Variants in ALMS1 observed in about 807,000 individuals in gnomAD.
ALMS1 encodes the protein ALMS1 centrosome and basal body associated protein, also known as centrosome-associated protein ALMS1.
A neutral mutation model predicts 352.2 loss-of-function variants in ALMS1; 271 were observed. The ratio of observed to expected loss-of-function variants is 0.77; its 90% CI spans 0.70 to 0.85. ALMS1 has a LOEUF of 0.85. ALMS1 is among the 40% of genes least tolerant of loss of function. The pLI is 0.00. For synonymous variants in ALMS1, 1,865 were observed against 1,761.2 expected (o/e 1.06, Z -1.48); for missense variants, 5,445 against 4,870.7 (o/e 1.12, Z -3.51).
intron 2 of ALMS1, among the ~76,000 whole-genome samples, chr2:73,410,938 T>C (rs1671065684): frequency 6.6e-6 from 1 of 152,074 alleles, no homozygotes. Context: ...GGAAGGGAGA[T>C]ACACTATCAC....
intron 12 of ALMS1, among the ~76,000 whole-genome samples, chr2:73,539,446 A>G (rs1255887101): frequency 6.6e-6 from 1 of 152,174 alleles, no homozygotes; most frequent in Non-Finnish European, 1.5e-5. Context: ...AGAAAAACTG[A>G]AAATTCTAAA....
chr2:73,413,893 A>T (rs146365016), intron 2 of ALMS1, among the ~76,000 whole-genome samples: 1,580 of 152,286 alleles, frequency 0.01, 39 homozygotes, highest in African/African-American at 0.036. Context: ...CCATTGATTT[A>T]CATATGTATC....
chr2:73,449,246 T>C lies in ALMS1; in HGVS notation c.2719T>C (p.Phe907Leu), dbSNP rs1382658614. The change falls in exon 8 of 23, where the codon TTC (phenylalanine) becomes CTC (leucine). Residue 907 changes from phenylalanine (F) to leucine (L), a missense_variant. By Grantham distance (22) the Phe-to-Leu change is conservative. Transcript: ENST00000613296. ...KTGIPSAPSS[F>L]YSHREKPIIF... ...TGGGATACCCTCAGCACCATCTAGT[T>C]TCTACTCACACAGAGAGAAGCCCAT... is the stretch of plus-strand genomic sequence containing the variant. The C allele has an allele frequency of 1.2e-6, 2 of 1,613,674 alleles. No homozygotes were observed. The highest frequency in any genetic ancestry group is 2.7e-5 in the African/African-American group (2 of 74,798).
chr2:73,550,357 A>G lies in ALMS1; in HGVS notation c.9998A>G (p.Lys3333Arg), dbSNP rs1251440784. ...DLSATVNIKH[K>R]EGIYSKRVVT... is the part of the protein sequence containing the mutation. ...TCAGCCACTGTTAACATTAAACATA[A>G]AGAAGGAATCTACAGTAAGAGGGTA... The change falls in exon 13 of 23, where the codon AAA (lysine) becomes AGA (arginine). Residue 3333 changes from lysine (K) to arginine (R), a missense_variant. Transcript: ENST00000613296. 6.2e-7 allele frequency: 1 copy of G among 1,614,200 alleles called. No homozygotes were observed.
At chr2:73,518,681 CATT>C (rs1673609788) in intron 10 of ALMS1, among the ~76,000 whole-genome samples, 1 of 152,104 alleles carries the variant, frequency 6.6e-6, no homozygotes, top group Non-Finnish European at 1.5e-5. Context: ...AATGGTATCT[CATT>C]GTGGTTTTGA....
Position 73,599,431 on chromosome 2 carries a change from A to G in ALMS1, c.11578A>G (p.Ile3860Val), listed in dbSNP as rs746074912. The change falls in exon 17 of 23, where the codon ATT (isoleucine) becomes GTT (valine). Residue 3860 changes from isoleucine (I) to valine (V), a missense_variant. By Grantham distance (29) the Ile-to-Val change is conservative. Transcript: ENST00000613296. ...AAACCATGTGATTTCTTCTGACTCTATTTCCTCTTCTGCCAGTAGTTTCCT... is the reference window on the plus strand; with the variant it reads ...AAACCATGTGATTTCTTCTGACTCTGTTTCCTCTTCTGCCAGTAGTTTCCT... ...VANHVISSDS[I>V]SSSASSFLSS... 14 of 1,613,296 alleles carry G rather than the reference A, an allele frequency of 8.7e-6. No individual in the cohort carries two copies. In the South Asian group the frequency reaches 1.2e-4, roughly 14 times the overall value.
Position 73,466,561 on chromosome 2 carries a change from C to A in ALMS1, c.7674+11266C>A, listed in dbSNP as rs868085908. ...ATGTTAAATGACGAGTTAATGGGTGCAGCACACCAACATGGCACTTGTATA... is the reference window on the plus strand; with the variant it reads ...ATGTTAAATGACGAGTTAATGGGTGAAGCACACCAACATGGCACTTGTATA... On this transcript the variant is annotated intron_variant, in intron 9 of 22. Coordinates refer to ENST00000613296, the MANE Select transcript of ALMS1 (RefSeq NM_001378454.1). 5.9e-5 allele frequency among the ~76,000 whole-genome samples: 9 copies of A among 151,892 alleles called. No homozygotes were observed. In the South Asian group the frequency reaches 1.0e-3, roughly 18 times the overall value.
intron 9 of ALMS1, among the ~76,000 whole-genome samples, chr2:73,474,371 CTGTGTG>C (rs377039331): frequency 2.4e-4 from 23 of 95,568 alleles, no homozygotes; most frequent in African/African-American, 7.1e-4. Context: ...CTTGTTGACT[CTGTGTG>C]TGTGTGTGTG....
chr2:73,452,768 ACTGATG>A lies in ALMS1; in HGVS notation c.6242_6247del (p.Thr2081_Val2083delinsMet). ...AAAGATTTCAGCTGTCCCTGAACTAACTGATGTGAATACTGGAAAACCAGTATCTCT... is the reference window on the plus strand; with the variant it reads ...AAAGATTTCAGCTGTCCCTGAACTAATGAATACTGGAAAACCAGTATCTCT... On this transcript the variant is annotated inframe_deletion, in exon 8 of 23. Coordinates refer to ENST00000613296, the MANE Select transcript of ALMS1 (RefSeq NM_001378454.1). 1 of 1,613,452 alleles carries A rather than the reference ACTGATG, an allele frequency of 6.2e-7. No homozygotes were observed. Among genetic ancestry groups the A allele is most frequent in the South Asian group, 1.1e-5 (1 of 91,082 alleles).
intron 1 of ALMS1, among the ~76,000 whole-genome samples, chr2:73,399,374 C>G (rs1283585762): frequency 6.6e-6 from 1 of 151,992 alleles, no homozygotes; most frequent in African/African-American, 2.4e-5. Context: ...GTTTAATTGG[C>G]TCATGGTTCT....
At chr2:73,573,549 A>C in intron 16 of ALMS1, 125 bp downstream of exon 16, 2 of 969,970 alleles carry the variant, frequency 2.1e-6, no homozygotes, top group Non-Finnish European at 3.2e-6. Context: ...TTTCTTACCA[A>C]CTGGAAAAGA....
At chr2:73,485,259 G>A (rs1672807543) in intron 9 of ALMS1, among the ~76,000 whole-genome samples, 1 of 152,154 alleles carries the variant, frequency 6.6e-6, no homozygotes, top group Non-Finnish European at 1.5e-5. Context: ...TTTTGGTGTG[G>A]ATGTCCTTTC....
chr2:73,442,054 A>T (rs951750699), intron 7 of ALMS1, among the ~76,000 whole-genome samples: 9 of 152,126 alleles, frequency 5.9e-5, no homozygotes, highest in African/African-American at 2.2e-4. Context: ...CGTGTCCTGA[A>T]CTATTAATAA....
In ALMS1 at chr2:73,468,428, A is replaced by G. The variant is rs574213141; in HGVS notation, c.7674+13133A>G. Among the ~76,000 whole-genome samples the G allele has an allele frequency of 8.5e-4, 129 of 152,154 alleles. 1 individual carries two copies. Among genetic ancestry groups the G allele is most frequent in the Non-Finnish European group, 1.0e-3 (68 of 67,940 alleles). On this transcript the variant is annotated intron_variant, in intron 9 of 22. Transcript: ENST00000613296. ...TTACCTCAACTGTTTTTAAGTGTAC[A>G]GTTTACTGGTGTTAAGTACATTCAT...
rs199538064 is a variant in ALMS1 at position 73,419,329 on chromosome 2, T to C, written c.646+11T>C. ...GTTCTCCACTGCTAGGTAATGCCTG[T>C]TTATTTTAACTAGTAGTAATACCTC... On this transcript the variant is annotated intron_variant, in intron 3 of 22. Coordinates refer to ENST00000613296, the MANE Select transcript of ALMS1 (RefSeq NM_001378454.1). 1.9e-6 allele frequency: 3 copies of C among 1,611,206 alleles called. No homozygotes were observed. The highest frequency in any genetic ancestry group is 2.5e-6 in the Non-Finnish European group (3 of 1,177,490).
Position 73,453,366 on chromosome 2 carries a change from C to T in ALMS1, c.6839C>T (p.Pro2280Leu). The change falls in exon 8 of 23, where the codon CCT becomes CTT. Residue 2280 changes from proline (P) to leucine (L), a missense_variant. Physicochemically the swap from Pro to Leu is moderately conservative, Grantham distance 98. Coordinates refer to ENST00000613296, the MANE Select transcript of ALMS1 (RefSeq NM_001378454.1). ...ATGGCACTGAAACGATGCAATTTTC[C>T]TGCTCCCCTTGCCCGTTTCAGAGAT... ...ENMALKRCNF[P>L]APLARFRDIS... 4 of 1,613,866 alleles carry T rather than the reference C, an allele frequency of 2.5e-6. No individual in the cohort carries two copies. Among genetic ancestry groups the T allele is most frequent in the Non-Finnish European group, 2.5e-6 (3 of 1,179,958 alleles).
At chr2:73,486,463 A>G (rs1672849421) in intron 9 of ALMS1, among the ~76,000 whole-genome samples, 1 of 152,100 alleles carries the variant, frequency 6.6e-6, no homozygotes, top group Non-Finnish European at 1.5e-5. Context: ...TTATTATTTA[A>G]AAGTTCTCTC....
intron 12 of ALMS1, among the ~76,000 whole-genome samples, chr2:73,540,530 T>C (rs1164042588): frequency 1.3e-5 from 2 of 152,040 alleles, no homozygotes; most frequent in African/African-American, 2.4e-5. Flanking sequence ...ACAATATTAA[T>C]CTTAAATGTA....
Position 73,573,156 on chromosome 2 carries a change from C to T in ALMS1, c.11279C>T (p.Thr3760Ile), listed in dbSNP as rs370381761. 22 of 1,613,656 alleles carry T rather than the reference C, an allele frequency of 1.4e-5. No homozygotes were observed. The highest frequency in any genetic ancestry group is 8.5e-7 in the Non-Finnish European group (1 of 1,179,930). ...AACATCCTTTCCGGCACCACTTCTA[C>T]TGTCGAATCAGATATATTGACCCAA... is the stretch of plus-strand genomic sequence containing the variant. Reference protein sequence around the residue: ...TTNILSGTTSTVESDILTQTD... With the variant: ...TTNILSGTTSIVESDILTQTD... Residue 3760 changes from threonine to isoleucine, a missense_variant, in exon 16 of 23, where the codon ACT (threonine) becomes ATT (isoleucine). By Grantham distance (89) the Thr-to-Ile change is moderately conservative. Transcript: ENST00000613296.
Sources: gnomAD v4.1 joint callset for allele counts (sites outside exome capture counted in the v4.1 genomes callset) on GRCh38, gnomAD v4.1.1 for gene constraint, MANE v1.5 for transcripts, NCBI Gene and HGNC (gene_info 2026-07-23, HGNC 2026-07-21) for gene names.